SP140L: variants seen among roughly 807,000 people sequenced by gnomAD.
SP140L encodes nuclear body protein SP140-like protein.
A neutral mutation model predicts 84.3 loss-of-function variants in SP140L; 64 were observed. The observed-to-expected ratio is 0.76, with a 90% confidence interval of 0.62 to 0.94. SP140L has a LOEUF of 0.94. Among genes scored for constraint, SP140L ranks in the 40% least tolerant of loss-of-function variants. The probability of loss-of-function intolerance (pLI) is 0.00; values close to 1 mark genes in which losing one functional copy is unlikely to be tolerated. For synonymous variants in SP140L, 242 were observed against 236.9 expected (o/e 1.02, Z -0.20); for missense variants, 628 against 692.5 (o/e 0.91, Z 1.05).
intron 13 of SP140L, among the ~76,000 whole-genome samples, chr2:230,394,141 G>A (rs180703126): frequency 1.3e-5 from 2 of 152,262 alleles, no homozygotes; most frequent in East Asian, 1.9e-4. Flanking sequence ...AATCTTTTAT[G>A]TTGATGCCAC....
At chr2:230,354,921 G>GAA (rs1384699390) in intron 2 of SP140L, among the ~76,000 whole-genome samples, 67 of 110,650 alleles carry the variant, frequency 6.1e-4, no homozygotes, top group African/African-American at 1.9e-3. Flanking sequence ...GAAAGAAAAA[G>GAA]AAAGAAAAAA....
chr2:230,369,851 G>T (rs1171037358), intron 5 of SP140L, among the ~76,000 whole-genome samples: 2 of 152,218 alleles, frequency 1.3e-5, no homozygotes, highest in Non-Finnish European at 2.9e-5. Context: ...CTCACTCACT[G>T]CAGCCTCTGC....
rs371563616 is a variant in SP140L, at chr2:230,396,765, G to A, written c.1164G>A (p.Leu388=). 2 of 1,613,812 alleles carry A rather than the reference G, an allele frequency of 1.2e-6. No individual in the cohort carries two copies. Among genetic ancestry groups the A allele is most frequent in the Non-Finnish European group, 1.7e-6 (2 of 1,179,876 alleles). ...RIYYRNKKRI[L]KSQNNSSVDP... ...TTCTGTTTTTTCAACAGAGAATACTGAAGTCTCAAAACAATAGCTCAGTTG... is the reference window on the plus strand; with the variant it reads ...TTCTGTTTTTTCAACAGAGAATACTAAAGTCTCAAAACAATAGCTCAGTTG... The change falls in exon 14 of 19, where the codon CTG becomes CTA. Residue 388 remains leucine, a synonymous_variant. Transcript: ENST00000415673.
chr2:230,401,273 G>A, intron 16 of SP140L, 93 bp from the exon 17 acceptor site: 1 of 1,599,644 alleles, frequency 6.3e-7, no homozygotes, highest in Non-Finnish European at 8.5e-7. Flanking sequence ...AGAGAAACTT[G>A]AGGAAGAAGG....
intron 9 of SP140L, among the ~76,000 whole-genome samples, chr2:230,387,984 G>A (rs13390006): frequency 0.21 from 32,374 of 152,062 alleles, 3,847 homozygotes; most frequent in Non-Finnish European, 0.28. Flanking sequence ...TGTGATATGT[G>A]CAGCATACAT....
intron 15 of SP140L, chr2:230,400,514 T>C: frequency 2.0e-6 from 1 of 488,550 alleles, no homozygotes; most frequent in South Asian, 2.4e-5. Context: ...CCTTGAAGTT[T>C]TGCAGTAGGG....
intron 2 of SP140L, among the ~76,000 whole-genome samples, chr2:230,342,881 G>C (rs73110329): frequency 0.15 from 22,427 of 151,796 alleles, 1,827 homozygotes; most frequent in African/African-American, 0.21. Context: ...TTCCTATTCC[G>C]TATTTATTTC....
intron 2 of SP140L, among the ~76,000 whole-genome samples, chr2:230,355,305 A>G (rs145463967): frequency 6.6e-6 from 1 of 152,300 alleles, no homozygotes; most frequent in Non-Finnish European, 1.5e-5. Context: ...TATCTCCTAC[A>G]ATGGCAATAA....
At chr2:230,334,390 T>G (rs569395378) in intron 2 of SP140L, among the ~76,000 whole-genome samples, 65 of 152,336 alleles carry the variant, frequency 4.3e-4, no homozygotes, top group African/African-American at 1.4e-3. Context: ...TCCTGCTGCT[T>G]TTCTGCCTGT....
Position 230,327,282 on chromosome 2 carries a change from G to A in SP140L, c.13G>A (p.Gly5Ser). Residue 5 changes from glycine (G) to serine (S), a missense_variant, in exon 1 of 19, where the codon GGC becomes AGC. Gly to Ser is a moderately conservative substitution (Grantham distance 56). Coordinates refer to ENST00000415673, the MANE Select transcript of SP140L (RefSeq NM_138402.6). MAGGGSDLSTRGLNG... is the reference protein window; with the variant it reads MAGGSSDLSTRGLNG... ...CTAGGGTGGGACGATGGCAGGTGGG[G>A]GCAGCGACCTGAGCACCAGGTGAGT... 6.2e-7 allele frequency: 1 copy of A among 1,611,822 alleles called. No homozygotes were observed. The highest frequency in any genetic ancestry group is 8.5e-7 in the Non-Finnish European group (1 of 1,179,038).
At position 230,345,532 on chromosome 2, in the gene SP140L, TATTTGTATTCTGGCTGTTTTGTA is replaced by T. The variant is rs1334306213; in HGVS notation, c.108-12249_108-12227del. On this transcript the variant is annotated intron_variant, in intron 2 of 18. Transcript: ENST00000415673. The stretch of plus-strand genomic sequence containing the variant: ...TGAGAACTTACTATTGCTGTTTTGT[TATTTGTATTCTGGCTGTTTTGTA>T]ATTTGTATTCTGGCTGTTTTGTAGT... 5.3e-5 allele frequency among the ~76,000 whole-genome samples: 8 copies of T among 152,260 alleles called. No homozygotes were observed. The South Asian group carries it at 8.3e-4, about 16-fold the overall frequency.
At chr2:230,328,639 C>A in intron 1 of SP140L, 118 bp from the exon 2 acceptor site, 1 of 1,290,088 alleles carries the variant, frequency 7.8e-7, no homozygotes, top group Non-Finnish European at 1.0e-6. Flanking sequence ...ATATATTTCT[C>A]TTTTTTTTGC....
intron 11 of SP140L, 124 bp from the exon 12 acceptor site, chr2:230,391,963 C>G: frequency 7.2e-7 from 1 of 1,391,724 alleles, no homozygotes; most frequent in Non-Finnish European, 9.9e-7. Context: ...AGAGGGAAGG[C>G]CAGACCCTCC....
intron 2 of SP140L, among the ~76,000 whole-genome samples, chr2:230,353,394 CATTCTT>C (rs2060425937): frequency 6.6e-6 from 1 of 151,936 alleles, no homozygotes; most frequent in Non-Finnish European, 1.5e-5. Flanking sequence ...AATAATAAAT[CATTCTT>C]ATTAATTTAT....
intron 2 of SP140L, among the ~76,000 whole-genome samples, chr2:230,350,203 T>C (rs913261553): frequency 6.6e-6 from 1 of 152,308 alleles, no homozygotes; most frequent in Middle Eastern, 3.4e-3. Context: ...TATTATTTAT[T>C]CTGAATTTTA....
intron 2 of SP140L, among the ~76,000 whole-genome samples, chr2:230,345,920 C>T (rs1489849513): frequency 6.6e-6 from 1 of 152,092 alleles, no homozygotes; most frequent in Non-Finnish European, 1.5e-5. Flanking sequence ...ACAATCATTA[C>T]AATATAAGAG....
chr2:230,379,591 C>G (rs2061345884), intron 7 of SP140L, among the ~76,000 whole-genome samples: 1 of 151,764 alleles, frequency 6.6e-6, no homozygotes, highest in African/African-American at 2.4e-5. Context: ...TGTTCTTTTT[C>G]TTTGGTTTCA....
chr2:230,390,171 A>G lies in SP140L; in HGVS notation c.964+148A>G, dbSNP rs1014991891. 1.7e-5 allele frequency: 12 copies of G among 696,202 alleles called. No individual in the cohort carries two copies. In the Admixed American group the frequency reaches 2.6e-4, roughly 15 times the overall value. The allele number at this position is 696,202 out of a possible 1,614,324, so 43.1% of individuals were successfully genotyped here. A position where few individuals can be genotyped will look rare whatever the true frequency, so the allele number is the denominator to read the frequency against. On this transcript the variant is annotated intron_variant, in intron 11 of 18. Transcript: ENST00000415673. The stretch of plus-strand genomic sequence containing the variant: ...AGGAGGAAGGGATCCCTAAGATGAC[A>G]TTTTAAGACTTTAAGAAATCACACC...
At chr2:230,340,724 A>G (rs1356348703) in intron 2 of SP140L, among the ~76,000 whole-genome samples, 4 of 119,498 alleles carry the variant, frequency 3.3e-5, no homozygotes, top group East Asian at 2.4e-4. Context: ...TTGTCTGTAA[A>G]GTATTTTATT....
Sources: gnomAD v4.1 joint callset for allele counts (sites outside exome capture counted in the v4.1 genomes callset) on GRCh38, gnomAD v4.1.1 for gene constraint, MANE v1.5 for transcripts, NCBI Gene and HGNC (gene_info 2026-07-23, HGNC 2026-07-21) for gene names.